The following AK9 variants were observed in gnomAD, a reference collection of about 807,000 sequenced individuals.
AK9 encodes the protein adenylate kinase 9.
AK9 carries 191 observed loss-of-function variants against 239.6 expected under a neutral mutation model. That is an observed-to-expected ratio of 0.80 (90% CI 0.71 to 0.90). The LOEUF is 0.90. AK9 is among the 40% of genes least tolerant of loss of function. The pLI is 0.00. For synonymous variants in AK9, 689 were observed against 721.0 expected, an observed-to-expected ratio of 0.96 and a Z score of 0.71; for missense variants, 1,995 against 2,214.7, an observed-to-expected ratio of 0.90 and a Z score of 1.99.
chr6:109,622,908 T>C (rs764671805), intron 12 of AK9, among the ~76,000 whole-genome samples: 4 of 152,098 alleles, frequency 2.6e-5, no homozygotes, highest in Non-Finnish European at 4.4e-5. Flanking sequence ...CTAATGGTTA[T>C]ACTCTTACTA....
Position 109,512,857 on chromosome 6 carries a change from T to C in AK9, c.4279+1367A>G, listed in dbSNP as rs532901641. On this transcript the variant is annotated intron_variant, in intron 32 of 40. Transcript: ENST00000424296. ...GCCTTTCCAGAAATGATTAAGATAA[T>C]TGATTTACTATTATTACTTGTTTTG... 5.3e-5 allele frequency among the ~76,000 whole-genome samples: 8 copies of C among 152,342 alleles called. 1 individual carries two copies. Among genetic ancestry groups the C allele is most frequent in the Non-Finnish European group, 1.0e-4 (7 of 68,036 alleles).
At chr6:109,609,386 T>C (rs952989645) in intron 17 of AK9, among the ~76,000 whole-genome samples, 5 of 152,210 alleles carry the variant, frequency 3.3e-5, no homozygotes, top group Admixed American at 6.5e-5. Flanking sequence ...TTGGTTTACA[T>C]GTCAGTTCCG....
rs1434575647 is a variant in AK9 at position 109,590,847 on chromosome 6, AT to A, written c.1843-4776del. On this transcript the variant is annotated intron_variant, in intron 17 of 40. Transcript: ENST00000424296. ...TATGGCTTTGAGGGTGCCTTTTGTT[AT>A]TGATTTCTAGTTTTATTCCACTTTG... Among the ~76,000 whole-genome samples the A allele has an allele frequency of 3.9e-5, 6 of 152,126 alleles. No individual in the cohort carries two copies. In the East Asian group the frequency reaches 9.7e-4, roughly 24 times the overall value.
At chr6:109,542,026 A>C (rs1209262926) in intron 27 of AK9, 21 bp downstream of exon 27, 1 of 1,533,474 alleles carries the variant, frequency 6.5e-7, no homozygotes, top group South Asian at 1.2e-5. Flanking sequence ...TAAATGTACA[A>C]TTCTATATAA....
chr6:109,522,061 C>T (rs1779927256), intron 29 of AK9, among the ~76,000 whole-genome samples: 1 of 151,970 alleles, frequency 6.6e-6, no homozygotes, highest in Admixed American at 6.6e-5. Flanking sequence ...GTACAGAGTT[C>T]TAGGCTGAAA....
intron 20 of AK9, among the ~76,000 whole-genome samples, chr6:109,576,639 T>C (rs1583078830): frequency 6.6e-6 from 1 of 151,996 alleles, no homozygotes; most frequent in East Asian, 1.9e-4. Flanking sequence ...ACAGCAACAG[T>C]TTGACTTCCT....
intron 29 of AK9, among the ~76,000 whole-genome samples, chr6:109,520,900 C>G (rs1241437886): frequency 6.6e-6 from 1 of 152,020 alleles, no homozygotes; most frequent in African/African-American, 2.4e-5. Flanking sequence ...TGATTTGGCT[C>G]TAAGCTTAAA....
At chr6:109,643,060 T>TA (rs1282909055) in intron 9 of AK9, among the ~76,000 whole-genome samples, 3 of 152,026 alleles carry the variant, frequency 2.0e-5, no homozygotes, top group Non-Finnish European at 4.4e-5. Context: ...GTTAGCGAAT[T>TA]AGAGTGTGAA....
chr6:109,588,909 TCTC>T, intron 17 of AK9, among the ~76,000 whole-genome samples: 1 of 152,282 alleles, frequency 6.6e-6, no homozygotes, highest in African/African-American at 2.4e-5. Context: ...AGTTCTTGGT[TCTC>T]TATTCTTTTC....
At chr6:109,641,375 A>G (rs752404158) in intron 10 of AK9, 143 bp downstream of exon 10, 5 of 278,186 alleles carry the variant, frequency 1.8e-5, no homozygotes, top group South Asian at 9.7e-5. Context: ...TTTTGTAGAG[A>G]TGGGTTCTGA....
intron 17 of AK9, among the ~76,000 whole-genome samples, chr6:109,609,152 C>T (rs1047621904): frequency 6.6e-6 from 1 of 152,108 alleles, no homozygotes; most frequent in Admixed American, 6.6e-5. Flanking sequence ...GTGTAGGATT[C>T]CTTGTAGATT....
At position 109,614,452 on chromosome 6, in the gene AK9, C is replaced by A; in HGVS notation, c.1428G>T (p.Arg476Ser). The A allele has an allele frequency of 6.4e-7, 1 of 1,551,104 alleles. No individual in the cohort carries two copies. Among genetic ancestry groups the A allele is most frequent in the Middle Eastern group, 1.7e-4 (1 of 5,954 alleles). ...CTCCAAACTCCATTTTTTCATATTG[C>A]CTTTGAAATTCTCTTAAAGCTGTTT... is the stretch of plus-strand genomic sequence containing the variant. ...QAETALREFQ[R>S]QYEKMEFGVF... The change falls in exon 14 of 41, where the codon AGG becomes AGT. Residue 476 changes from arginine (R) to serine (S), a missense_variant. Arg to Ser is a moderately radical substitution (Grantham distance 110, BLOSUM62 -1). This residue lies in a region of AK9 where 1,290 missense variants were observed against 1,392.7 expected (regional missense o/e 0.93). Transcript: ENST00000424296.
At chr6:109,557,705 C>T (rs1785174142) in intron 24 of AK9, among the ~76,000 whole-genome samples, 1 of 152,190 alleles carries the variant, frequency 6.6e-6, no homozygotes, top group Non-Finnish European at 1.5e-5. Flanking sequence ...TGTGACCACT[C>T]ATCAAGTCTT....
intron 17 of AK9, among the ~76,000 whole-genome samples, chr6:109,602,526 T>C (rs1028919904): frequency 5.9e-5 from 9 of 152,170 alleles, no homozygotes; most frequent in African/African-American, 2.2e-4. Flanking sequence ...TCATTTCAAC[T>C]TTGGTGAATC....
chr6:109,679,083 C>T (rs1362548753), intron 1 of AK9, among the ~76,000 whole-genome samples: 5 of 152,062 alleles, frequency 3.3e-5, no homozygotes, highest in African/African-American at 9.7e-5. Flanking sequence ...ATCCCAGTGG[C>T]GCCTGGAACG....
intron 17 of AK9, among the ~76,000 whole-genome samples, chr6:109,602,191 T>A (rs1792103813): frequency 6.6e-6 from 1 of 152,230 alleles, no homozygotes; most frequent in Non-Finnish European, 1.5e-5. Flanking sequence ...CAATTTGGCA[T>A]GTTTTTGCAG....
chr6:109,650,333 T>C (rs541126460), intron 8 of AK9, among the ~76,000 whole-genome samples: 2 of 151,804 alleles, frequency 1.3e-5, no homozygotes, highest in South Asian at 4.2e-4. Flanking sequence ...TGCAACCTAC[T>C]CATCTGACAA....
intron 19 of AK9, among the ~76,000 whole-genome samples, chr6:109,581,760 C>T (rs984590655): frequency 5.9e-5 from 9 of 152,166 alleles, no homozygotes; most frequent in African/African-American, 9.7e-5. Context: ...ACAAAGGTGG[C>T]TACACTAAAC....
intron 27 of AK9, among the ~76,000 whole-genome samples, chr6:109,538,152 G>A (rs1321363361): frequency 3.3e-5 from 5 of 151,386 alleles, no homozygotes; most frequent in Non-Finnish European, 5.9e-5. Flanking sequence ...TCAATTCCTG[G>A]ATATCCTTGT....
Sources: allele counts gnomAD v4.1 joint callset (sites outside exome capture counted in the v4.1 genomes callset), GRCh38; gene constraint gnomAD v4.1.1; regional missense constraint gnomAD v4.1.1; transcripts MANE v1.5; gene names NCBI Gene and HGNC (gene_info 2026-07-23, HGNC 2026-07-21).